Variants in SULF1 observed in about 807,000 individuals in gnomAD.
The protein encoded by SULF1 is extracellular sulfatase Sulf-1.
A neutral mutation model predicts 110.5 loss-of-function variants in SULF1; 46 were observed. The ratio of observed to expected loss-of-function variants is 0.42; its 90% CI spans 0.33 to 0.53. The LOEUF is 0.53. Ranked by LOEUF, SULF1 falls within the 20% of genes least tolerant of loss-of-function variation. SULF1 has a pLI of 0.12. For missense variants in SULF1, 941 were observed against 1,094.2 expected, an observed-to-expected ratio of 0.86 and a Z score of 1.98; for synonymous variants, 371 against 387.1, an observed-to-expected ratio of 0.96 and a Z score of 0.49.
Position 69,658,869 on chromosome 8 carries a change from C to T in SULF1, c.*334C>T, listed in dbSNP as rs1214196554. The T allele has an allele frequency of 1.9e-6, 1 of 527,926 alleles. No homozygotes were observed. The allele number at this position is 527,926 out of a possible 1,614,324, so 32.7% of individuals were successfully genotyped here. On this transcript the variant is annotated 3_prime_UTR_variant, in exon 23 of 23. Coordinates refer to ENST00000402687, the MANE Select transcript of SULF1 (RefSeq NM_001128205.2). ...TGACCTTGCCAGCTGACCTTCAAAC[C>T]CTGCATTTGAACCGACCAACATTAA...
chr8:69,539,441 G>A (rs932225410), intron 3 of SULF1, among the ~76,000 whole-genome samples: 6 of 152,118 alleles, frequency 3.9e-5, no homozygotes, highest in Non-Finnish European at 8.8e-5. Flanking sequence ...AAGATCTTGC[G>A]CTTGGCAATT....
At chr8:69,621,936 T>C (rs1809641972) in intron 14 of SULF1, among the ~76,000 whole-genome samples, 1 of 152,250 alleles carries the variant, frequency 6.6e-6, no homozygotes, top group Admixed American at 6.5e-5. Context: ...CTCAATTTTA[T>C]GGTGATTTCT....
chr8:69,521,841 TAAAA>T (rs75983618), intron 3 of SULF1, among the ~76,000 whole-genome samples: 2 of 110,200 alleles, frequency 1.8e-5, no homozygotes, highest in Admixed American at 9.6e-5. Context: ...TGGGCCAAGG[TAAAA>T]AAAAAAAAAA....
At chr8:69,615,194 G>A (rs1175518878) in intron 13 of SULF1, among the ~76,000 whole-genome samples, 1 of 152,102 alleles carries the variant, frequency 6.6e-6, no homozygotes, top group Non-Finnish European at 1.5e-5. Context: ...CTCCTGCAAT[G>A]CAAAAAACAT....
At chr8:69,655,676 G>A (rs1812672268) in intron 22 of SULF1, among the ~76,000 whole-genome samples, 1 of 152,012 alleles carries the variant, frequency 6.6e-6, no homozygotes, top group Non-Finnish European at 1.5e-5. Context: ...CCAAACTACT[G>A]GGATTAGAGG....
chr8:69,586,171 T>C (rs1004735545), intron 6 of SULF1, among the ~76,000 whole-genome samples, 186 bp from the exon 7 acceptor site: 3 of 152,226 alleles, frequency 2.0e-5, no homozygotes, highest in South Asian at 4.1e-4. Flanking sequence ...ATTTATTTTT[T>C]AAAAATGTGT....
In SULF1 at chr8:69,652,274, C is replaced by T. The variant is rs60115693; in HGVS notation, c.2586-6231C>T. Reference sequence around the variant, plus strand: ...TGACTTAGTCACATTTGCAGAGTCCCTTTGGCCAGGTAAAGGAACTTGTCC... The same window carrying T: ...TGACTTAGTCACATTTGCAGAGTCCTTTTGGCCAGGTAAAGGAACTTGTCC... On this transcript the variant is annotated intron_variant, in intron 22 of 22. Coordinates refer to ENST00000402687, the MANE Select transcript of SULF1 (RefSeq NM_001128205.2). Among the ~76,000 whole-genome samples the T allele has an allele frequency of 6.8e-3, 1,033 of 152,314 alleles. 10 individuals carry two copies. The highest frequency in any genetic ancestry group is 0.024 in the African/African-American group (990 of 41,556).
intron 1 of SULF1, among the ~76,000 whole-genome samples, chr8:69,476,271 T>TC (rs2054100745): frequency 6.6e-6 from 1 of 152,194 alleles, no homozygotes. Context: ...GTTTCCCCAT[T>TC]CCCCTGCTTT....
chr8:69,543,928 G>C (rs1422193590), intron 3 of SULF1, among the ~76,000 whole-genome samples: 2 of 152,170 alleles, frequency 1.3e-5, no homozygotes, highest in African/African-American at 4.8e-5. Flanking sequence ...GGCCTCATCT[G>C]CTTATCCCAG....
intron 21 of SULF1, among the ~76,000 whole-genome samples, 171 bp downstream of exon 21, chr8:69,639,029 G>A (rs1266523797): frequency 6.6e-6 from 1 of 152,162 alleles, no homozygotes; most frequent in East Asian, 1.9e-4. Context: ...TAGCTCTGGT[G>A]TACTAATGAA....
rs199583221 is a variant in SULF1, at chr8:69,496,897, C to T, written c.-229+971C>T. On this transcript the variant is annotated intron_variant, in intron 2 of 22. Coordinates refer to ENST00000402687, the MANE Select transcript of SULF1 (RefSeq NM_001128205.2). ...TTGCTGGATTTTGCTTCTTTCTGTGCTCCATGGAAAGCTGGAAGCTCCTCA... is the reference window on the plus strand; with the variant it reads ...TTGCTGGATTTTGCTTCTTTCTGTGTTCCATGGAAAGCTGGAAGCTCCTCA... Among the ~76,000 whole-genome samples the T allele has an allele frequency of 3.9e-5, 6 of 152,344 alleles. No homozygotes were observed. In the East Asian group the frequency reaches 1.2e-3, roughly 29 times the overall value.
Position 69,586,517 on chromosome 8 carries a change from CA to C in SULF1, c.564+10del. 6.2e-7 allele frequency: 1 copy of C among 1,608,396 alleles called. No homozygotes were observed. Among genetic ancestry groups the C allele is most frequent in the Non-Finnish European group, 8.5e-7 (1 of 1,179,216 alleles). ...GATTTGATTATGCAAAGGTAATTTT[CA>C]GGCACTTTTACACTGCATCAATTTA... On this transcript the variant is annotated intron_variant, in intron 7 of 22. Coordinates refer to ENST00000402687, the MANE Select transcript of SULF1 (RefSeq NM_001128205.2).
intron 2 of SULF1, among the ~76,000 whole-genome samples, chr8:69,497,234 T>C (rs1015577407): frequency 6.6e-6 from 1 of 150,808 alleles, no homozygotes; most frequent in African/African-American, 2.4e-5. Context: ...CTCAGCTCAT[T>C]GCAACCTCTG....
At chr8:69,512,303 C>T (rs959220095) in intron 3 of SULF1, among the ~76,000 whole-genome samples, 3 of 152,040 alleles carry the variant, frequency 2.0e-5, no homozygotes, top group African/African-American at 4.8e-5. Context: ...TATTGTAGAC[C>T]CCATCAGCCC....
rs1345767358 is a variant in SULF1, at chr8:69,658,781, T to G, written c.*246T>G. ...GTCTCTGCTGAGCACGCTGTGTCAA[T>G]GGAGATGGCCTCTGCTGACTCAGAT... On this transcript the variant is annotated 3_prime_UTR_variant, in exon 23 of 23. Transcript: ENST00000402687. The G allele has an allele frequency of 1.6e-6, 1 of 644,634 alleles. No individual in the cohort carries two copies. The highest frequency in any genetic ancestry group is 1.8e-5 in the African/African-American group (1 of 55,864). The allele number at this position is 644,634 out of a possible 1,614,324, so 39.9% of individuals were successfully genotyped here. A position where few individuals can be genotyped will look rare whatever the true frequency, so the allele number is the denominator to read the frequency against.
At chr8:69,583,370 CCAA>C (rs1488288401) in intron 6 of SULF1, among the ~76,000 whole-genome samples, 2 of 148,956 alleles carry the variant, frequency 1.3e-5, no homozygotes, top group Admixed American at 1.3e-4. Context: ...GAGTTCGAGA[CCAA>C]CCTGACCAAT....
chr8:69,485,208 C>G (rs547896547), intron 1 of SULF1, among the ~76,000 whole-genome samples: 1 of 152,242 alleles, frequency 6.6e-6, no homozygotes, highest in South Asian at 2.1e-4. Flanking sequence ...ATAAATTTTC[C>G]CCAAAATAGG....
Position 69,651,051 on chromosome 8 carries a change from C to CTTTTTT in SULF1, c.2586-7450_2586-7449insTTTTTT, listed in dbSNP as rs111556401. ...TCTATCAACATCTATTCTTTTTTTT[C>CTTTTTT]TTTTCTTTTTTTTTTTTTTTGAGAC... On this transcript the variant is annotated intron_variant, in intron 22 of 22. Transcript: ENST00000402687. 1.1e-4 allele frequency among the ~76,000 whole-genome samples: 15 copies of CTTTTTT among 134,162 alleles called. 2 individuals are homozygous for CTTTTTT. Among genetic ancestry groups the CTTTTTT allele is most frequent in the Non-Finnish European group, 8.2e-5 (5 of 60,962 alleles). 88.0% of individuals were successfully genotyped at this position (134,162 alleles called of 152,430 possible).
At chr8:69,535,980 T>G (rs1296028386) in intron 3 of SULF1, among the ~76,000 whole-genome samples, 2 of 151,110 alleles carry the variant, frequency 1.3e-5, no homozygotes, top group African/African-American at 2.4e-5. Flanking sequence ...ATTGTACCAT[T>G]GCACTCCAGC....
Sources: gnomAD v4.1 joint callset for allele counts (sites outside exome capture counted in the v4.1 genomes callset) on GRCh38, gnomAD v4.1.1 for gene constraint, MANE v1.5 for transcripts, NCBI Gene and HGNC (gene_info 2026-07-23, HGNC 2026-07-21) for gene names.